The following SPIDR variants were observed in gnomAD, a reference collection of about 807,000 sequenced individuals.
SPIDR encodes the protein DNA repair-scaffolding protein.
A neutral mutation model predicts 104.6 loss-of-function variants in SPIDR; 93 were observed. The observed-to-expected ratio is 0.89, with a 90% CI of 0.75 to 1.06. The LOEUF (loss-of-function observed/expected upper bound fraction) is 1.06, where lower values mean the gene tolerates loss of function less well. SPIDR is among the 50% of genes least tolerant of loss of function. The pLI is 0.00. For synonymous variants in SPIDR, 431 were observed against 416.9 expected, an observed-to-expected ratio of 1.03 and a Z score of -0.41; for missense variants, 1,154 against 1,111.2, an observed-to-expected ratio of 1.04 and a Z score of -0.55.
intron 5 of SPIDR, among the ~76,000 whole-genome samples, chr8:47,351,703 A>G (rs1344361085): frequency 6.6e-6 from 1 of 152,176 alleles, no homozygotes; most frequent in Non-Finnish European, 1.5e-5. Flanking sequence ...ACAAAACTTG[A>G]TTTTGCCACA....
At chr8:47,593,105 TC>T (rs991830241) in intron 8 of SPIDR, among the ~76,000 whole-genome samples, 1 of 152,166 alleles carries the variant, frequency 6.6e-6, no homozygotes, top group African/African-American at 2.4e-5. Flanking sequence ...CAGGCTGGTC[TC>T]GAACTCCTGA....
At chr8:47,564,280 T>C (rs2057487504) in intron 8 of SPIDR, among the ~76,000 whole-genome samples, 1 of 152,048 alleles carries the variant, frequency 6.6e-6, no homozygotes, top group Non-Finnish European at 1.5e-5. Context: ...GGTTTCGCCA[T>C]ATTGGCCAGG....
intron 5 of SPIDR, among the ~76,000 whole-genome samples, chr8:47,321,146 G>A (rs1247214342): frequency 6.6e-6 from 1 of 152,170 alleles, no homozygotes; most frequent in African/African-American, 2.4e-5. Context: ...AAAAGAGGAA[G>A]TCAAATTGTC....
intron 8 of SPIDR, among the ~76,000 whole-genome samples, chr8:47,489,856 A>G (rs1273948102): frequency 6.6e-6 from 1 of 152,202 alleles, no homozygotes; most frequent in Admixed American, 6.5e-5. Context: ...TTAATTCAAG[A>G]TGGATTAAAG....
chr8:47,678,529 A>T (rs1225866214), intron 11 of SPIDR, among the ~76,000 whole-genome samples: 2 of 152,198 alleles, frequency 1.3e-5, no homozygotes, highest in Non-Finnish European at 2.9e-5. Flanking sequence ...ACTCAGAAGG[A>T]TAGCTGGTGA....
chr8:47,334,094 G>A (rs953846590), intron 5 of SPIDR, among the ~76,000 whole-genome samples: 1 of 152,136 alleles, frequency 6.6e-6, no homozygotes, highest in Non-Finnish European at 1.5e-5. Flanking sequence ...GATGTTCCAT[G>A]TATCTTTCTG....
chr8:47,713,395 G>T, intron 15 of SPIDR, 94 bp from the exon 16 acceptor site: 4 of 1,555,264 alleles, frequency 2.6e-6, no homozygotes, highest in Non-Finnish European at 3.5e-6. Context: ...ACCTTCACCT[G>T]CATGACTCGA....
intron 10 of SPIDR, among the ~76,000 whole-genome samples, chr8:47,649,156 T>A (rs1243454924): frequency 6.6e-6 from 1 of 151,944 alleles, no homozygotes; most frequent in Non-Finnish European, 1.5e-5. Context: ...GGTGAGAGGA[T>A]CACTGGAGCC....
intron 1 of SPIDR, among the ~76,000 whole-genome samples, chr8:47,273,228 A>G (rs945808591): frequency 9.2e-5 from 14 of 152,182 alleles, no homozygotes; most frequent in Non-Finnish European, 1.8e-4. Flanking sequence ...TTTTTGATCA[A>G]TTGAATATAA....
chr8:47,292,525 A>G (rs1416694832), intron 4 of SPIDR, among the ~76,000 whole-genome samples: 4 of 152,220 alleles, frequency 2.6e-5, no homozygotes, highest in Admixed American at 2.0e-4. Flanking sequence ...CTGGGATTAC[A>G]CATGTGAGCT....
At chr8:47,538,422 T>TA (rs2154387549) in intron 8 of SPIDR, among the ~76,000 whole-genome samples, 1 of 152,134 alleles carries the variant, frequency 6.6e-6, no homozygotes, top group South Asian at 2.1e-4. Context: ...TAGGTGCCTG[T>TA]AGTCCCAGCT....
intron 11 of SPIDR, among the ~76,000 whole-genome samples, chr8:47,691,704 G>A (rs975095102): frequency 3.9e-5 from 6 of 152,220 alleles, no homozygotes; most frequent in East Asian, 1.9e-4. Context: ...CACAGGTGCT[G>A]TCTCTGTCCT....
chr8:47,452,569 A>C (rs2072022439), intron 8 of SPIDR, among the ~76,000 whole-genome samples: 1 of 152,220 alleles, frequency 6.6e-6, no homozygotes, highest in African/African-American at 2.4e-5. Flanking sequence ...TATGCAAATC[A>C]ATAAACGTAA....
chr8:47,314,809 A>T (rs1341079929), intron 5 of SPIDR, among the ~76,000 whole-genome samples: 2 of 152,320 alleles, frequency 1.3e-5, no homozygotes, highest in Middle Eastern at 3.4e-3. Flanking sequence ...TAATTACCTT[A>T]ATTGAAAATA....
chr8:47,366,240 C>G (rs975488796), intron 5 of SPIDR, among the ~76,000 whole-genome samples: 7 of 152,032 alleles, frequency 4.6e-5, no homozygotes, highest in Non-Finnish European at 1.0e-4. Flanking sequence ...GTCCCAGGGA[C>G]TGAGGGTGTG....
At chr8:47,305,108 TAAAGC>T in intron 5 of SPIDR, among the ~76,000 whole-genome samples, 2 of 152,212 alleles carry the variant, frequency 1.3e-5, no homozygotes, top group Non-Finnish European at 2.9e-5. Flanking sequence ...GGTATTCTGT[TAAAGC>T]AAAGCAAAGT....
chr8:47,709,512 G>C (rs1319713301), intron 14 of SPIDR, among the ~76,000 whole-genome samples: 1 of 152,232 alleles, frequency 6.6e-6, no homozygotes, highest in Non-Finnish European at 1.5e-5. Context: ...CTGACCTCAA[G>C]TGATCCACCC....
intron 5 of SPIDR, among the ~76,000 whole-genome samples, chr8:47,347,313 A>C (rs888708322): frequency 6.6e-6 from 1 of 152,168 alleles, no homozygotes; most frequent in South Asian, 2.1e-4. Context: ...TCTGAGAGAC[A>C]GTTTGTTATG....
chr8:47,262,126 C>T (rs368002383), intron 1 of SPIDR, among the ~76,000 whole-genome samples: 45 of 152,278 alleles, frequency 3.0e-4, no homozygotes, highest in African/African-American at 1.1e-3. Context: ...CAATGTCATA[C>T]ATTGAAGTTA....
Sources: allele counts gnomAD v4.1 joint callset (sites outside exome capture counted in the v4.1 genomes callset), GRCh38; gene constraint gnomAD v4.1.1; transcripts MANE v1.5; gene names NCBI Gene and HGNC (gene_info 2026-07-23, HGNC 2026-07-21).